Variants in AP3S1 observed in about 807,000 individuals in gnomAD.
The protein encoded by AP3S1 is AP-3 complex subunit sigma-1.
Under a neutral mutation model 21.3 loss-of-function variants are expected in AP3S1, and 12 were observed. That is an observed-to-expected ratio of 0.56 (90% CI 0.36 to 0.91). AP3S1 has a LOEUF of 0.91. Among genes scored for constraint, AP3S1 ranks in the 40% least tolerant of loss-of-function variants. AP3S1 has a pLI of 0.01. For synonymous variants in AP3S1, 48 were observed against 78.4 expected, an observed-to-expected ratio of 0.61 and a Z score of 2.05; for missense variants, 116 against 225.0, an observed-to-expected ratio of 0.52 and a Z score of 3.10.
chr5:115,909,404 CTGTT>C (rs1407497737), intron 5 of AP3S1, among the ~76,000 whole-genome samples: 3 of 152,130 alleles, frequency 2.0e-5, no homozygotes, highest in Admixed American at 1.3e-4. Context: ...AAGTCTTTAT[CTGTT>C]TGGCCTCATT....
At chr5:115,857,341 G>A (rs1762871556) in intron 1 of AP3S1, among the ~76,000 whole-genome samples, 1 of 152,188 alleles carries the variant, frequency 6.6e-6, no homozygotes, top group Non-Finnish European at 1.5e-5. Flanking sequence ...TAAAGTAAGT[G>A]TATGAACTCA....
chr5:115,895,960 C>T (rs77691444), intron 4 of AP3S1, among the ~76,000 whole-genome samples: 8,600 of 152,148 alleles, frequency 0.057, 305 homozygotes, highest in Non-Finnish European at 0.075. Flanking sequence ...ATTTGTGATA[C>T]GGAACTTAGG....
intron 3 of AP3S1, among the ~76,000 whole-genome samples, chr5:115,876,461 G>C (rs1748720708): frequency 6.6e-6 from 1 of 152,080 alleles, no homozygotes; most frequent in South Asian, 2.1e-4. Context: ...AATGTAGAAT[G>C]GTTGGTTTTC....
intron 1 of AP3S1, among the ~76,000 whole-genome samples, chr5:115,850,718 A>G (rs1343524215): frequency 6.6e-6 from 1 of 152,206 alleles, no homozygotes; most frequent in Non-Finnish European, 1.5e-5. Flanking sequence ...GCGGAATAAT[A>G]TTTCATTGTA....
At chr5:115,910,265 T>TAAAA (rs397884038) in intron 5 of AP3S1, among the ~76,000 whole-genome samples, 1 of 125,164 alleles carries the variant, frequency 8.0e-6, no homozygotes. Flanking sequence ...CCCTGTCTCT[T>TAAAA]AAAAAAAAAA....
At chr5:115,902,309 G>A (rs1481592934) in intron 4 of AP3S1, among the ~76,000 whole-genome samples, 3 of 152,134 alleles carry the variant, frequency 2.0e-5, no homozygotes, top group Non-Finnish European at 4.4e-5. Context: ...TTTAGTCATT[G>A]TAAGATGTAT....
At chr5:115,912,971 G>A (rs1752220398) in intron 5 of AP3S1, among the ~76,000 whole-genome samples, 1 of 152,004 alleles carries the variant, frequency 6.6e-6, no homozygotes, top group African/African-American at 2.4e-5. Context: ...CATTTTAAAA[G>A]CAAAAGAAAA....
intron 3 of AP3S1, among the ~76,000 whole-genome samples, chr5:115,890,043 G>A (rs1458312422): frequency 1.3e-5 from 2 of 152,150 alleles, no homozygotes; most frequent in Non-Finnish European, 2.9e-5. Flanking sequence ...CTCATATACT[G>A]CTATTTAAAG....
chr5:115,886,415 C>G (rs184581222), intron 3 of AP3S1, among the ~76,000 whole-genome samples: 2 of 152,106 alleles, frequency 1.3e-5, no homozygotes, highest in East Asian at 3.9e-4. Flanking sequence ...CTTCCTTAGT[C>G]TACTCAATGT....
intron 3 of AP3S1, among the ~76,000 whole-genome samples, 200 bp downstream of exon 3, chr5:115,870,328 AATCATGACATTTT>A (rs1230973295): frequency 3.3e-5 from 5 of 152,226 alleles, no homozygotes; most frequent in Non-Finnish European, 5.9e-5. Flanking sequence ...TAACTAGTTT[AATCATGACATTTT>A]ATCTTGCTCA....
At chr5:115,863,963 C>T (rs1763402472) in intron 1 of AP3S1, among the ~76,000 whole-genome samples, 1 of 152,078 alleles carries the variant, frequency 6.6e-6, no homozygotes, top group African/African-American at 2.4e-5. Flanking sequence ...AGATGTCTGC[C>T]TGAACAGATT....
At chr5:115,885,596 C>T (rs1749711503) in intron 3 of AP3S1, among the ~76,000 whole-genome samples, 1 of 152,170 alleles carries the variant, frequency 6.6e-6, no homozygotes, top group African/African-American at 2.4e-5. Flanking sequence ...ATGGTGCCCA[C>T]CCACATTGAG....
chr5:115,861,503 T>G (rs553022912), intron 1 of AP3S1, among the ~76,000 whole-genome samples: 4 of 152,334 alleles, frequency 2.6e-5, no homozygotes, highest in South Asian at 4.1e-4. Flanking sequence ...GTTTTTTATT[T>G]GTTTAATTTC....
chr5:115,870,814 T>C (rs528433616), intron 3 of AP3S1, among the ~76,000 whole-genome samples: 7 of 152,352 alleles, frequency 4.6e-5, no homozygotes, highest in African/African-American at 1.4e-4. Flanking sequence ...AGATTTGCTC[T>C]ACTTGCAAAC....
rs370625498 is a variant in AP3S1, at chr5:115,842,029, G to C, written c.-9G>C. ...CCCCCAGTGCCCACCCGGTCGGCCC[G>C]GCACAGCCATGATCAAGGCGATCCT... On this transcript the variant is annotated 5_prime_UTR_variant, in exon 1 of 6. Coordinates refer to ENST00000316788, the MANE Select transcript of AP3S1 (RefSeq NM_001284.4). 1.3e-6 allele frequency: 2 copies of C among 1,582,464 alleles called. No homozygotes were observed. The highest frequency in any genetic ancestry group is 1.1e-5 in the South Asian group (1 of 87,282).
chr5:115,909,941 G>C (rs1472071177), intron 5 of AP3S1, among the ~76,000 whole-genome samples: 1 of 152,036 alleles, frequency 6.6e-6, no homozygotes, highest in African/African-American at 2.4e-5. Flanking sequence ...AATAATAAAA[G>C]AGAACAGTTA....
intron 1 of AP3S1, chr5:115,853,024 T>C: frequency 2.2e-6 from 1 of 454,576 alleles, no homozygotes; most frequent in Non-Finnish European, 4.4e-6. Context: ...GGTAAGAATA[T>C]GTTTAATTAT....
At chr5:115,891,192 C>G (rs1051818184) in intron 3 of AP3S1, among the ~76,000 whole-genome samples, 1 of 152,120 alleles carries the variant, frequency 6.6e-6, no homozygotes, top group African/African-American at 2.4e-5. Flanking sequence ...AAAAATTAAA[C>G]TAAAATCTCA....
chr5:115,878,453 G>A (rs1748945300), intron 3 of AP3S1, among the ~76,000 whole-genome samples: 1 of 151,574 alleles, frequency 6.6e-6, no homozygotes, highest in African/African-American at 2.4e-5. Flanking sequence ...ATTAAACAGG[G>A]ATCTTTTCCC....
Sources: gnomAD v4.1 joint callset for allele counts (sites outside exome capture counted in the v4.1 genomes callset) on GRCh38, gnomAD v4.1.1 for gene constraint, MANE v1.5 for transcripts, NCBI Gene and HGNC (gene_info 2026-07-23, HGNC 2026-07-21) for gene names.